Variants in WDR7 observed in about 807,000 individuals in gnomAD.
WDR7 encodes WD repeat domain 7, also known as WD repeat-containing protein 7.
Under a neutral mutation model 169.4 loss-of-function variants are expected in WDR7, and 46 were observed. The observed-to-expected ratio is 0.27, with a 90% CI of 0.21 to 0.35. The LOEUF (loss-of-function observed/expected upper bound fraction) is 0.35, where lower values mean the gene tolerates loss of function less well. Among genes scored for constraint, WDR7 ranks in the 10% least tolerant of loss-of-function variants. The pLI is 1.00. For synonymous variants in WDR7, 612 were observed against 666.8 expected (o/e 0.92, Z 1.27); for missense variants, 1,534 against 1,859.3 (o/e 0.83, Z 3.22).
At chr18:56,925,625 G>A (rs2046795571) in intron 22 of WDR7, among the ~76,000 whole-genome samples, 2 of 151,950 alleles carry the variant, frequency 1.3e-5, no homozygotes. Flanking sequence ...TTAAGTTCTG[G>A]CATGCTTTGG....
intron 1 of WDR7, among the ~76,000 whole-genome samples, chr18:56,666,128 T>C (rs531591677): frequency 6.6e-6 from 1 of 151,992 alleles, no homozygotes; most frequent in Admixed American, 6.6e-5. Context: ...GTTGGGTCCT[T>C]CCTTCCTGAA....
intron 20 of WDR7, among the ~76,000 whole-genome samples, chr18:56,821,201 C>T (rs2045089056): frequency 6.6e-6 from 1 of 151,748 alleles, no homozygotes; most frequent in Non-Finnish European, 1.5e-5. Flanking sequence ...AATAAATATG[C>T]AGTATATTAG....
At chr18:56,895,507 G>T (rs1347137582) in intron 21 of WDR7, among the ~76,000 whole-genome samples, 1 of 151,386 alleles carries the variant, frequency 6.6e-6, no homozygotes, top group East Asian at 1.9e-4. Flanking sequence ...ACAGTGAATA[G>T]ATATTTGTGT....
At chr18:56,924,255 T>C (rs1327335967) in intron 22 of WDR7, 147 bp downstream of exon 22, 4 of 943,348 alleles carry the variant, frequency 4.2e-6, no homozygotes, top group South Asian at 1.8e-5. Flanking sequence ...GTTTTGAATA[T>C]GGACAATGAA....
chr18:56,950,929 C>T (rs1376285530), intron 25 of WDR7, among the ~76,000 whole-genome samples: 2 of 152,182 alleles, frequency 1.3e-5, no homozygotes, highest in African/African-American at 4.8e-5. Flanking sequence ...ATGTGTCAGG[C>T]TTGCATTCTT....
intron 20 of WDR7, among the ~76,000 whole-genome samples, chr18:56,846,845 G>A (rs1599096469): frequency 6.6e-6 from 1 of 152,260 alleles, no homozygotes; most frequent in African/African-American, 2.4e-5. Context: ...AGCCTGCAGA[G>A]CCATGAGCCA....
intron 14 of WDR7, among the ~76,000 whole-genome samples, chr18:56,747,085 C>T (rs2144886137): frequency 6.6e-6 from 1 of 152,300 alleles, no homozygotes; most frequent in East Asian, 1.9e-4. Flanking sequence ...TGAAGGTTCA[C>T]TAATGTGGAG....
chr18:57,011,158 T>C (rs2048131245), intron 26 of WDR7, among the ~76,000 whole-genome samples: 1 of 152,242 alleles, frequency 6.6e-6, no homozygotes, highest in Non-Finnish European at 1.5e-5. Flanking sequence ...GATAAGGGTG[T>C]TGTATGTGTA....
At chr18:56,826,818 T>A (rs2045212711) in intron 20 of WDR7, among the ~76,000 whole-genome samples, 1 of 152,214 alleles carries the variant, frequency 6.6e-6, no homozygotes, top group Non-Finnish European at 1.5e-5. Flanking sequence ...TTAGTACCAC[T>A]GAAAAGGAGT....
intron 12 of WDR7, among the ~76,000 whole-genome samples, chr18:56,703,807 T>G (rs1486116616): frequency 6.6e-6 from 1 of 150,656 alleles, no homozygotes; most frequent in Non-Finnish European, 1.5e-5. Flanking sequence ...GCTTTAAAGT[T>G]TTTTTTTTTG....
intron 12 of WDR7, among the ~76,000 whole-genome samples, chr18:56,712,835 G>A (rs2026114885): frequency 6.6e-6 from 1 of 152,206 alleles, no homozygotes; most frequent in Admixed American, 6.5e-5. Flanking sequence ...GGTATAGGAA[G>A]AAAATCTTAG....
intron 25 of WDR7, 130 bp downstream of exon 25, chr18:56,939,523 C>A: frequency 1.8e-6 from 1 of 543,516 alleles, no homozygotes; most frequent in East Asian, 3.4e-5. Flanking sequence ...TGCTTACTTT[C>A]TAAAACAATA....
chr18:56,835,882 A>G (rs565877731), intron 20 of WDR7, among the ~76,000 whole-genome samples: 2 of 152,314 alleles, frequency 1.3e-5, no homozygotes, highest in African/African-American at 4.8e-5. Context: ...TGGTATTAAA[A>G]TTGTGATTCT....
chr18:56,802,010 T>G (rs535235440), intron 19 of WDR7, among the ~76,000 whole-genome samples: 15 of 152,196 alleles, frequency 9.9e-5, no homozygotes, highest in Non-Finnish European at 2.1e-4. Context: ...TGCTTAGTTA[T>G]ATAAGAGTAA....
At chr18:56,703,158 G>A (rs1022228436) in intron 12 of WDR7, among the ~76,000 whole-genome samples, 3 of 152,194 alleles carry the variant, frequency 2.0e-5, no homozygotes, top group Non-Finnish European at 2.9e-5. Context: ...GAACACTAGT[G>A]TTTGTGCCTT....
At chr18:56,749,482 A>AT (rs1193990098) in intron 14 of WDR7, among the ~76,000 whole-genome samples, 5 of 150,338 alleles carry the variant, frequency 3.3e-5, no homozygotes, top group Non-Finnish European at 5.9e-5. Context: ...GGAGATTCTG[A>AT]TTTTTTTTTA....
In WDR7 at chr18:56,947,222, G is replaced by A. The variant is rs187955203; in HGVS notation, c.4064+7829G>A. Among the ~76,000 whole-genome samples the A allele has an allele frequency of 7.1e-4, 108 of 152,300 alleles. 1 individual carries two copies. The highest frequency in any genetic ancestry group is 3.8e-4 in the Non-Finnish European group (26 of 68,026). On this transcript the variant is annotated intron_variant, in intron 25 of 27. Transcript: ENST00000254442. Reference sequence around the variant, plus strand: ...ACGTATTAGCCACAAGACTGCTGCAGCACTGAATTAGTTTTATGTTTATAA... The same window carrying A: ...ACGTATTAGCCACAAGACTGCTGCAACACTGAATTAGTTTTATGTTTATAA...
chr18:56,693,736 T>A (rs752227792), intron 9 of WDR7, among the ~76,000 whole-genome samples: 12 of 151,814 alleles, frequency 7.9e-5, no homozygotes, highest in Non-Finnish European at 1.3e-4. Context: ...CACACCTGGC[T>A]AATTTTTGTA....
intron 26 of WDR7, among the ~76,000 whole-genome samples, chr18:57,011,539 G>GA (rs2048135764): frequency 1.3e-5 from 2 of 152,130 alleles, no homozygotes; most frequent in Non-Finnish European, 2.9e-5. Context: ...GATGGTGATA[G>GA]AAAATAATTC....
Sources: allele counts gnomAD v4.1 joint callset (sites outside exome capture counted in the v4.1 genomes callset), GRCh38; gene constraint gnomAD v4.1.1; transcripts MANE v1.5; gene names NCBI Gene and HGNC (gene_info 2026-07-23, HGNC 2026-07-21).